Variants in TCIM observed in about 807,000 individuals in gnomAD.
TCIM encodes the protein human thyroid cancer 1.
TCIM carries 5 observed loss-of-function variants against 7.0 expected under a neutral mutation model. The observed-to-expected ratio is 0.71, with a 90% confidence interval of 0.37 to 1.50. The LOEUF (loss-of-function observed/expected upper bound fraction) is 1.50. TCIM is among the 40% of genes most tolerant of loss of function. The pLI is 0.03. For synonymous variants in TCIM, 66 were observed against 50.3 expected (o/e 1.31, Z -1.32); for missense variants, 137 against 129.7 (o/e 1.06, Z -0.27).
chr8:40,154,959 A>C lies in TCIM; in HGVS notation c.*1106A>C, dbSNP rs1437455424. 6.0e-6 allele frequency: 1 copy of C among 167,024 alleles called. No individual in the cohort carries two copies. Among genetic ancestry groups the C allele is most frequent in the Non-Finnish European group, 1.5e-5 (1 of 68,094 alleles). 10.3% of individuals were successfully genotyped at this position (167,024 alleles called of 1,614,324 possible). Reference sequence around the variant, plus strand: ...TAATTACCAAACTTTTTCAAAACAAATTCTTACGTCAAATATCTGGGAAGT... The same window carrying C: ...TAATTACCAAACTTTTTCAAAACAACTTCTTACGTCAAATATCTGGGAAGT... On this transcript the variant is annotated 3_prime_UTR_variant, in exon 1 of 1. Coordinates refer to ENST00000315792, the MANE Select transcript of TCIM (RefSeq NM_020130.5).
chr8:40,153,505 A>G lies in TCIM; in HGVS notation c.-28A>G, dbSNP rs777418368. 6.3e-7 allele frequency: 1 copy of G among 1,577,952 alleles called. No homozygotes were observed. Among genetic ancestry groups the G allele is most frequent in the Non-Finnish European group, 8.6e-7 (1 of 1,158,494 alleles). The stretch of plus-strand genomic sequence containing the variant: ...CTACAGACTCTCTGGAAAGCCTGGG[A>G]GCTGAATTCCGGAAGATCCCCACAT... On this transcript the variant is annotated 5_prime_UTR_variant, in exon 1 of 1. Coordinates refer to ENST00000315792, the MANE Select transcript of TCIM (RefSeq NM_020130.5).
Position 40,153,553 on chromosome 8 carries a change from C to A in TCIM, c.21C>A (p.His7Gln). MKAKRS[H>Q]QAVIMSTSLR... is the part of the protein sequence containing the mutation. ...CATCGATGAAAGCAAAGCGAAGCCA[C>A]CAAGCCGTCATCATGTCCACGTCGC... Residue 7 changes from histidine to glutamine, a missense_variant, in exon 1 of 1, where the codon CAC becomes CAA. Transcript: ENST00000315792. The A allele has an allele frequency of 6.2e-7, 1 of 1,612,784 alleles. No homozygotes were observed. The highest frequency in any genetic ancestry group is 8.5e-7 in the Non-Finnish European group (1 of 1,179,196).
In TCIM at chr8:40,154,474, A is replaced by C. The variant is rs1253614167; in HGVS notation, c.*621A>C. 9 of 322,982 alleles carry C rather than the reference A, an allele frequency of 2.8e-5. No homozygotes were observed. In the East Asian group the frequency reaches 3.6e-4, roughly 13 times the overall value. The allele number at this position is 322,982 out of a possible 1,614,324, so 20.0% of individuals were successfully genotyped here. On this transcript the variant is annotated 3_prime_UTR_variant, in exon 1 of 1. Coordinates refer to ENST00000315792, the MANE Select transcript of TCIM (RefSeq NM_020130.5). ...GAAAAAGTGCACCACATGGATGTTA[A>C]GTAGAAATTCAAGAAAGTAAGATGT...
Position 40,153,947 on chromosome 8 carries a change from A to C in TCIM, c.*94A>C. The C allele has an allele frequency of 8.6e-7, 1 of 1,168,608 alleles. No homozygotes were observed. Among genetic ancestry groups the C allele is most frequent in the South Asian group, 1.5e-5 (1 of 65,850 alleles). The allele number at this position is 1,168,608 out of a possible 1,614,324, so 72.4% of individuals were successfully genotyped here. A position where few individuals can be genotyped will look rare whatever the true frequency, so the allele number is the denominator to read the frequency against. The stretch of plus-strand genomic sequence containing the variant: ...CTAACAGATGCAGCATTTTGCTGCT[A>C]CCTTACAAGCTTCTCTTCTGTCAGG... On this transcript the variant is annotated 3_prime_UTR_variant, in exon 1 of 1. Coordinates refer to ENST00000315792, the MANE Select transcript of TCIM (RefSeq NM_020130.5).
rs372605859 is a variant in TCIM at position 40,153,743 on chromosome 8, G to A, written c.211G>A (p.Asp71Asn). 1 of 1,614,142 alleles carries A rather than the reference G, an allele frequency of 6.2e-7. No homozygotes were observed. The highest frequency in any genetic ancestry group is 8.5e-7 in the Non-Finnish European group (1 of 1,180,012). ...GAGAGCCAAGATCATTTTTGCCATA[G>A]ATCAAGATGTGGAGGAGAAAACGCG... ...EERAKIIFAI[D>N]QDVEEKTRAL... is the part of the protein sequence containing the mutation. The change falls in exon 1 of 1, where the codon GAT (aspartate) becomes AAT (asparagine). Residue 71 changes from aspartate (D) to asparagine (N), a missense_variant. Transcript: ENST00000315792.
chr8:40,153,607 C>T lies in TCIM; in HGVS notation c.75C>T (p.Tyr25=), dbSNP rs1012127429. ...SLRVSPSIHG[Y]HFDTASRKKA... ...GAGTCAGCCCATCCATCCATGGCTA[C>T]CACTTCGACACAGCCTCTCGTAAGA... The change falls in exon 1 of 1, where the codon TAC becomes TAT. Residue 25 remains tyrosine (Y), a synonymous_variant. Transcript: ENST00000315792. 1 of 1,613,998 alleles carries T rather than the reference C, an allele frequency of 6.2e-7. No homozygotes were observed. Among genetic ancestry groups the T allele is most frequent in the African/African-American group, 1.3e-5 (1 of 74,906 alleles).
rs1464189870 is a variant in TCIM at position 40,154,960 on chromosome 8, T to C, written c.*1107T>C. 4 of 167,024 alleles carry C rather than the reference T, an allele frequency of 2.4e-5. No homozygotes were observed. 10.3% of individuals were successfully genotyped at this position (167,024 alleles called of 1,614,324 possible). On this transcript the variant is annotated 3_prime_UTR_variant, in exon 1 of 1. Coordinates refer to ENST00000315792, the MANE Select transcript of TCIM (RefSeq NM_020130.5). ...AATTACCAAACTTTTTCAAAACAAA[T>C]TCTTACGTCAAATATCTGGGAAGTT...
At position 40,154,019 on chromosome 8, in the gene TCIM, G is replaced by T; in HGVS notation, c.*166G>T. 1.6e-6 allele frequency: 1 copy of T among 640,142 alleles called. No homozygotes were observed. 39.7% of individuals were successfully genotyped at this position (640,142 alleles called of 1,614,324 possible). A position where few individuals can be genotyped will look rare whatever the true frequency, so the allele number is the denominator to read the frequency against. On this transcript the variant is annotated 3_prime_UTR_variant, in exon 1 of 1. Transcript: ENST00000315792. ...CCGGGACTGGAAAGGGACCAGGACT[G>T]AACAGACTGGTTACAAAGACTCCAA...
chr8:40,153,496 A>C lies in TCIM; in HGVS notation c.-37A>C. On this transcript the variant is annotated 5_prime_UTR_variant, in exon 1 of 1. Transcript: ENST00000315792. The stretch of plus-strand genomic sequence containing the variant: ...ATGATTTCACTACAGACTCTCTGGA[A>C]AGCCTGGGAGCTGAATTCCGGAAGA... 1 of 1,550,814 alleles carries C rather than the reference A, an allele frequency of 6.4e-7. No individual in the cohort carries two copies. Among genetic ancestry groups the C allele is most frequent in the African/African-American group, 1.4e-5 (1 of 72,722 alleles).
chr8:40,153,526 C>T lies in TCIM; in HGVS notation c.-7C>T, dbSNP rs1804742799. On this transcript the variant is annotated 5_prime_UTR_variant, in exon 1 of 1. Coordinates refer to ENST00000315792, the MANE Select transcript of TCIM (RefSeq NM_020130.5). The stretch of plus-strand genomic sequence containing the variant: ...TGGGAGCTGAATTCCGGAAGATCCC[C>T]ACATCGATGAAAGCAAAGCGAAGCC... 1 of 1,603,542 alleles carries T rather than the reference C, an allele frequency of 6.2e-7. No homozygotes were observed. Among genetic ancestry groups the T allele is most frequent in the Non-Finnish European group, 8.5e-7 (1 of 1,174,130 alleles).
In TCIM at chr8:40,153,933, A is replaced by G. The variant is rs957296588; in HGVS notation, c.*80A>G. On this transcript the variant is annotated 3_prime_UTR_variant, in exon 1 of 1. Transcript: ENST00000315792. Reference sequence around the variant, plus strand: ...GAGTTTGTGAGATTCTAACAGATGCAGCATTTTGCTGCTACCTTACAAGCT... The same window carrying G: ...GAGTTTGTGAGATTCTAACAGATGCGGCATTTTGCTGCTACCTTACAAGCT... 3.1e-6 allele frequency: 4 copies of G among 1,302,440 alleles called. No individual in the cohort carries two copies. Among genetic ancestry groups the G allele is most frequent in the Non-Finnish European group, 4.3e-6 (4 of 936,614 alleles). The allele number at this position is 1,302,440 out of a possible 1,614,324, so 80.7% of individuals were successfully genotyped here.
chr8:40,153,746 C>G lies in TCIM; in HGVS notation c.214C>G (p.Gln72Glu), dbSNP rs780741979. The change falls in exon 1 of 1, where the codon CAA becomes GAA. Residue 72 changes from glutamine (Q) to glutamate (E), a missense_variant. Coordinates refer to ENST00000315792, the MANE Select transcript of TCIM (RefSeq NM_020130.5). ...ERAKIIFAIDQDVEEKTRALM... is the reference protein window; with the variant it reads ...ERAKIIFAIDEDVEEKTRALM... ...AGCCAAGATCATTTTTGCCATAGAT[C>G]AAGATGTGGAGGAGAAAACGCGTGC... 1 of 1,614,090 alleles carries G rather than the reference C, an allele frequency of 6.2e-7. No homozygotes were observed. The highest frequency in any genetic ancestry group is 8.5e-7 in the Non-Finnish European group (1 of 1,180,002).
Position 40,153,643 on chromosome 8 carries a change from C to A in TCIM, c.111C>A (p.Gly37=), listed in dbSNP as rs757064401. Residue 37 remains glycine, a synonymous_variant, in exon 1 of 1, where the codon GGC becomes GGA. Coordinates refer to ENST00000315792, the MANE Select transcript of TCIM (RefSeq NM_020130.5). ...FDTASRKKAV[G]NIFENTDQES... is the part of the protein sequence containing the mutation. Reference sequence around the variant, plus strand: ...CAGCCTCTCGTAAGAAAGCCGTGGGCAACATCTTTGAAAACACAGACCAAG... The same window carrying A: ...CAGCCTCTCGTAAGAAAGCCGTGGGAAACATCTTTGAAAACACAGACCAAG... The A allele has an allele frequency of 1.3e-5, 21 of 1,614,154 alleles. 1 individual carries two copies. The South Asian group carries it at 2.2e-4, about 17-fold the overall frequency.
Position 40,153,851 on chromosome 8 carries a change from T to C in TCIM, c.319T>C (p.Ter107ArgextTer6). Residue 107 changes from the stop codon to arginine, a stop_lost, in exon 1 of 1, where the codon TGA becomes CGA. Coordinates refer to ENST00000315792, the MANE Select transcript of TCIM (RefSeq NM_020130.5). ...GCGGAAATATTCCATCAAAGTTCAC[T>C]GAAGAGAAGAGGATGGATAAGGACG... is the stretch of plus-strand genomic sequence containing the variant. ...KLRKYSIKVH[*>R] 1 of 1,610,442 alleles carries C rather than the reference T, an allele frequency of 6.2e-7. No homozygotes were observed. The highest frequency in any genetic ancestry group is 1.1e-5 in the South Asian group (1 of 90,618).
chr8:40,155,282 C>T lies in TCIM; in HGVS notation c.*1429C>T, dbSNP rs1323447766. The T allele has an allele frequency of 6.0e-6, 1 of 166,698 alleles. No individual in the cohort carries two copies. The allele number at this position is 166,698 out of a possible 1,614,324, so 10.3% of individuals were successfully genotyped here. A position where few individuals can be genotyped will look rare whatever the true frequency, so the allele number is the denominator to read the frequency against. On this transcript the variant is annotated 3_prime_UTR_variant, in exon 1 of 1. Coordinates refer to ENST00000315792, the MANE Select transcript of TCIM (RefSeq NM_020130.5). Reference sequence around the variant, plus strand: ...TCTCTTTGCTTATTTCCCGTTAAAACTATAATAAAATGTTTCTAGGACAGC... The same window carrying T: ...TCTCTTTGCTTATTTCCCGTTAAAATTATAATAAAATGTTTCTAGGACAGC...
At position 40,155,274 on chromosome 8, in the gene TCIM, C is replaced by T. The variant is rs1025074772; in HGVS notation, c.*1421C>T. ...TAATATTATCTCTTTGCTTATTTCC[C>T]GTTAAAACTATAATAAAATGTTTCT... On this transcript the variant is annotated 3_prime_UTR_variant, in exon 1 of 1. Transcript: ENST00000315792. 3.0e-5 allele frequency: 5 copies of T among 166,812 alleles called. No individual in the cohort carries two copies. The highest frequency in any genetic ancestry group is 1.9e-4 in the East Asian group (1 of 5,178). 10.3% of individuals were successfully genotyped at this position (166,812 alleles called of 1,614,324 possible). A position where few individuals can be genotyped will look rare whatever the true frequency, so the allele number is the denominator to read the frequency against.
At position 40,153,765 on chromosome 8, in the gene TCIM, C is replaced by T. The variant is rs373927057; in HGVS notation, c.233C>T (p.Thr78Met). The T allele has an allele frequency of 5.6e-5, 90 of 1,613,996 alleles. No individual in the cohort carries two copies. The highest frequency in any genetic ancestry group is 6.5e-5 in the Non-Finnish European group (77 of 1,180,028). Residue 78 changes from threonine (T) to methionine (M), a missense_variant, in exon 1 of 1, where the codon ACG (threonine) becomes ATG (methionine). Coordinates refer to ENST00000315792, the MANE Select transcript of TCIM (RefSeq NM_020130.5). ...ATAGATCAAGATGTGGAGGAGAAAA[C>T]GCGTGCCCTGATGGCCTTGAAGAAG... is the stretch of plus-strand genomic sequence containing the variant. ...FAIDQDVEEK[T>M]RALMALKKRT... is the part of the protein sequence containing the mutation.
At position 40,154,015 on chromosome 8, in the gene TCIM, G is replaced by C; in HGVS notation, c.*162G>C. 1 of 643,064 alleles carries C rather than the reference G, an allele frequency of 1.6e-6. No individual in the cohort carries two copies. The highest frequency in any genetic ancestry group is 3.0e-5 in the Admixed American group (1 of 33,892). 39.8% of individuals were successfully genotyped at this position (643,064 alleles called of 1,614,324 possible). On this transcript the variant is annotated 3_prime_UTR_variant, in exon 1 of 1. Coordinates refer to ENST00000315792, the MANE Select transcript of TCIM (RefSeq NM_020130.5). ...GGGACCGGGACTGGAAAGGGACCAG[G>C]ACTGAACAGACTGGTTACAAAGACT...
At position 40,153,750 on chromosome 8, in the gene TCIM, A is replaced by T; in HGVS notation, c.218A>T (p.Asp73Val). 1 of 1,614,144 alleles carries T rather than the reference A, an allele frequency of 6.2e-7. No individual in the cohort carries two copies. Among genetic ancestry groups the T allele is most frequent in the Non-Finnish European group, 8.5e-7 (1 of 1,180,018 alleles). Residue 73 changes from aspartate to valine, a missense_variant, in exon 1 of 1, where the codon GAT (aspartate) becomes GTT (valine). Physicochemically the swap from Asp to Val is radical, Grantham distance 152. Transcript: ENST00000315792. ...RAKIIFAIDQ[D>V]VEEKTRALMA... ...AAGATCATTTTTGCCATAGATCAAG[A>T]TGTGGAGGAGAAAACGCGTGCCCTG...
Sources: allele counts gnomAD v4.1 joint callset, GRCh38; gene constraint gnomAD v4.1.1; transcripts MANE v1.5; gene names NCBI Gene and HGNC (gene_info 2026-07-23, HGNC 2026-07-21).